The following FXYD4 variants were observed in gnomAD, a reference collection of about 807,000 sequenced individuals.
FXYD4 encodes the protein FXYD domain-containing ion transport regulator 4.
In FXYD4, 14 loss-of-function variants were observed where a neutral mutation model predicts 18.3. The observed-to-expected ratio is 0.77, with a 90% CI of 0.51 to 1.20. FXYD4 has a LOEUF of 1.20. FXYD4 is among the 50% of genes most tolerant of loss of function. FXYD4 has a pLI of 0.00. For synonymous variants in FXYD4, 40 were observed against 40.5 expected (o/e 0.99, Z 0.04); for missense variants, 99 against 106.1 (o/e 0.93, Z 0.29).
In FXYD4 at chr10:43,373,614, A is replaced by G. The variant is rs1399268713; in HGVS notation, c.-133A>G. On this transcript the variant is annotated 5_prime_UTR_variant, in exon 3 of 9. It removes an upstream start codon present in the reference 5' UTR. Coordinates refer to ENST00000476166, the MANE Select transcript of FXYD4 (RefSeq NM_173160.3). ...TGGGGTTTGTACACCTACTTTCACC[A>G]TGGGGCTCTGCCTGCCCCCGCCCCT... The G allele has an allele frequency of 5.9e-5, 43 of 730,624 alleles. 1 individual carries two copies. Among genetic ancestry groups the G allele is most frequent in the South Asian group, 5.6e-4 (40 of 70,828 alleles). The allele number at this position is 730,624 out of a possible 1,614,324, so 45.3% of individuals were successfully genotyped here. A position where few individuals can be genotyped will look rare whatever the true frequency, so the allele number is the denominator to read the frequency against.
rs1588981915 is a variant in FXYD4, at chr10:43,376,264, A to G, written c.*98A>G. 3 of 1,354,082 alleles carry G rather than the reference A, an allele frequency of 2.2e-6. No individual in the cohort carries two copies. In the East Asian group the frequency reaches 6.9e-5, roughly 31 times the overall value. The allele number at this position is 1,354,082 out of a possible 1,614,324, so 83.9% of individuals were successfully genotyped here. On this transcript the variant is annotated 3_prime_UTR_variant, in exon 9 of 9. Transcript: ENST00000476166. ...TATCCTCAAGGAAGGACTTCTCTCC[A>G]AGGGCAGGCTGTTAGGCCCCTTTCT...
Position 43,373,726 on chromosome 10 carries a change from C to T in FXYD4, c.-21C>T, listed in dbSNP as rs759177339. ...CGCCCCAGTGCCTCTCCCCCTGCAG[C>T]CCTGCCCCTCGAACTGTGACATGGA... On this transcript the variant is annotated 5_prime_UTR_variant, in exon 3 of 9. Coordinates refer to ENST00000476166, the MANE Select transcript of FXYD4 (RefSeq NM_173160.3). The T allele has an allele frequency of 8.9e-6, 14 of 1,575,154 alleles. No homozygotes were observed. The highest frequency in any genetic ancestry group is 3.5e-6 in the Non-Finnish European group (4 of 1,144,788).
At chr10:43,372,559 A>G (rs1257635638) in intron 1 of FXYD4, among the ~76,000 whole-genome samples, 168 bp from the exon 2 acceptor site, 1 of 152,190 alleles carries the variant, frequency 6.6e-6, no homozygotes, top group Non-Finnish European at 1.5e-5. Flanking sequence ...TGCTGGGATT[A>G]TAGGTGTGAG....
chr10:43,376,190 G>A lies in FXYD4; in HGVS notation c.*24G>A. 1 of 1,612,786 alleles carries A rather than the reference G, an allele frequency of 6.2e-7. No individual in the cohort carries two copies. The highest frequency in any genetic ancestry group is 8.5e-7 in the Non-Finnish European group (1 of 1,179,708). On this transcript the variant is annotated 3_prime_UTR_variant, in exon 9 of 9. Coordinates refer to ENST00000476166, the MANE Select transcript of FXYD4 (RefSeq NM_173160.3). The stretch of plus-strand genomic sequence containing the variant: ...GAGCACAGGACTGGCCTCCAGGGAT[G>A]GCCTGAAGCCTAACACTGGCCCCCA...
chr10:43,374,515 C>T lies in FXYD4; in HGVS notation c.70+13C>T. 3 of 1,613,874 alleles carry T rather than the reference C, an allele frequency of 1.9e-6. No homozygotes were observed. The highest frequency in any genetic ancestry group is 2.5e-6 in the Non-Finnish European group (3 of 1,179,748). ...AATGACCCATTTGGTGAGTGAGGCC[C>T]CCAAACAGCCTGCCCACTCTGCCCA... On this transcript the variant is annotated intron_variant, in intron 4 of 8. Transcript: ENST00000476166.
chr10:43,374,067 G>T (rs1837838996), intron 3 of FXYD4, among the ~76,000 whole-genome samples: 1 of 152,170 alleles, frequency 6.6e-6, no homozygotes, highest in South Asian at 2.1e-4. Context: ...TAATCCCAGT[G>T]TTTTGGGAGG....
At chr10:43,372,798 C>T (rs567489799) in intron 2 of FXYD4, 26 bp downstream of exon 2, 1 of 152,154 alleles carries the variant, frequency 6.6e-6, no homozygotes, top group Non-Finnish European at 1.5e-5. Flanking sequence ...GGGACCCAGC[C>T]CAGACAGCTG....
chr10:43,371,768 G>A (rs1243056884), intron 1 of FXYD4, 71 bp downstream of exon 1: 19 of 152,200 alleles, frequency 1.2e-4, no homozygotes, highest in Admixed American at 1.2e-3. Context: ...GTAATGAGGA[G>A]CCTGTTGAGG....
In FXYD4 at chr10:43,376,293, C is replaced by A; in HGVS notation, c.*127C>A. On this transcript the variant is annotated 3_prime_UTR_variant, in exon 9 of 9. Transcript: ENST00000476166. Reference sequence around the variant, plus strand: ...GCAGGCTGTTAGGCCCCTTTCTGATCAGGAGGCTTCTTTATGAATTAAACT... The same window carrying A: ...GCAGGCTGTTAGGCCCCTTTCTGATAAGGAGGCTTCTTTATGAATTAAACT... 1 of 954,870 alleles carries A rather than the reference C, an allele frequency of 1.0e-6. No individual in the cohort carries two copies. Among genetic ancestry groups the A allele is most frequent in the Non-Finnish European group, 1.6e-6 (1 of 610,274 alleles). The allele number at this position is 954,870 out of a possible 1,614,324, so 59.1% of individuals were successfully genotyped here.
intron 5 of FXYD4, 24 bp from the exon 6 acceptor site, chr10:43,375,475 G>A (rs769734332): frequency 2.5e-6 from 4 of 1,597,848 alleles, no homozygotes; most frequent in Non-Finnish European, 1.7e-6. Flanking sequence ...GCTGGTGCAA[G>A]CTCACTCTCT....
At chr10:43,374,688 C>T (rs769176966) in intron 5 of FXYD4, 49 bp downstream of exon 5, 1 of 1,481,636 alleles carries the variant, frequency 6.7e-7, no homozygotes, top group Non-Finnish European at 9.4e-7. Flanking sequence ...TATCCTGGAC[C>T]TCTTTGCTAG....
chr10:43,372,284 G>A (rs1050654198), intron 1 of FXYD4, among the ~76,000 whole-genome samples: 1 of 151,766 alleles, frequency 6.6e-6, no homozygotes, highest in Non-Finnish European at 1.5e-5. Flanking sequence ...ATTTATGGAT[G>A]TATTTATTTA....
chr10:43,373,697 C>G lies in FXYD4; in HGVS notation c.-50C>G. 9.0e-7 allele frequency: 1 copy of G among 1,106,714 alleles called. No individual in the cohort carries two copies. 68.6% of individuals were successfully genotyped at this position (1,106,714 alleles called of 1,614,324 possible). A position where few individuals can be genotyped will look rare whatever the true frequency, so the allele number is the denominator to read the frequency against. ...CTGGAGCAGATCCGTGGGCTGCAGA[C>G]CCCCGCCCCAGTGCCTCTCCCCCTG... On this transcript the variant is annotated 5_prime_UTR_variant, in exon 3 of 9. Transcript: ENST00000476166.
At chr10:43,373,864 G>A (rs79954618) in intron 3 of FXYD4, 81 bp downstream of exon 3, 36,971 of 919,486 alleles carry the variant, frequency 0.04, 1,362 homozygotes, top group South Asian at 0.13. Context: ...CATCTCCTTT[G>A]GGAGTCTGGT....
At position 43,373,727 on chromosome 10, in the gene FXYD4, C is replaced by T. The variant is rs767131259; in HGVS notation, c.-20C>T. 5 of 1,579,450 alleles carry T rather than the reference C, an allele frequency of 3.2e-6. No individual in the cohort carries two copies. The highest frequency in any genetic ancestry group is 3.3e-5 in the Admixed American group (2 of 59,972). On this transcript the variant is annotated 5_prime_UTR_variant, in exon 3 of 9. Coordinates refer to ENST00000476166, the MANE Select transcript of FXYD4 (RefSeq NM_173160.3). ...GCCCCAGTGCCTCTCCCCCTGCAGC[C>T]CTGCCCCTCGAACTGTGACATGGAG... is the stretch of plus-strand genomic sequence containing the variant.
chr10:43,375,794 G>C, intron 7 of FXYD4, 60 bp downstream of exon 7: 2 of 1,543,360 alleles, frequency 1.3e-6, no homozygotes, highest in Non-Finnish European at 1.8e-6. Flanking sequence ...GGACAGTCCT[G>C]ACCTGGAGAG....
At chr10:43,376,098 G>A (rs775871004) in intron 8 of FXYD4, 29 bp downstream of exon 8, 2 of 1,613,934 alleles carry the variant, frequency 1.2e-6, no homozygotes, top group South Asian at 1.1e-5. Context: ...GGCTGAGGGG[G>A]TGTCTGTGTA....
At chr10:43,375,434 G>A (rs1468530862) in intron 5 of FXYD4, 65 bp from the exon 6 acceptor site, 12 of 1,236,270 alleles carry the variant, frequency 9.7e-6, no homozygotes, top group Non-Finnish European at 1.4e-5. Context: ...GGGCTCAGGA[G>A]TGTCTTTTGA....
chr10:43,375,406 A>G, intron 5 of FXYD4, 93 bp from the exon 6 acceptor site: 1 of 904,826 alleles, frequency 1.1e-6, no homozygotes, highest in Non-Finnish European at 1.8e-6. Flanking sequence ...TGTATATGGC[A>G]GCGGCTGGCA....
Sources: gnomAD v4.1 joint callset for allele counts (sites outside exome capture counted in the v4.1 genomes callset) on GRCh38, gnomAD v4.1.1 for gene constraint, MANE v1.5 for transcripts, NCBI Gene and HGNC (gene_info 2026-07-23, HGNC 2026-07-21) for gene names.